SMAD3: variants seen among roughly 807,000 people sequenced by gnomAD.
SMAD3 encodes the protein SMAD family member 3, also known as MAD homolog 3.
In SMAD3, 12 loss-of-function variants were observed where a neutral mutation model predicts 51.8. The observed-to-expected ratio is 0.23, with a 90% CI of 0.15 to 0.38. The LOEUF (loss-of-function observed/expected upper bound fraction) is 0.38, where lower values mean the gene tolerates loss of function less well. Among genes scored for constraint, SMAD3 ranks in the 10% least tolerant of loss-of-function variants. The probability of loss-of-function intolerance (pLI) is 1.00; values close to 1 mark genes in which losing one functional copy is unlikely to be tolerated. For synonymous variants in SMAD3, 238 were observed against 227.7 expected (o/e 1.05, Z -0.41); for missense variants, 294 against 565.6 (o/e 0.52, Z 4.87).
chr15:67,188,613 C>T (rs1454680204), intron 8 of SMAD3, among the ~76,000 whole-genome samples: 4 of 152,264 alleles, frequency 2.6e-5, no homozygotes, highest in African/African-American at 9.6e-5. Flanking sequence ...CTCCACACTC[C>T]CCCCTGCCAG....
intron 1 of SMAD3, among the ~76,000 whole-genome samples, chr15:67,146,370 A>G (rs1961973799): frequency 6.6e-6 from 1 of 152,340 alleles, no homozygotes; most frequent in East Asian, 1.9e-4. Context: ...CCTACACATC[A>G]TTTGAATAAA....
intron 1 of SMAD3, chr15:67,098,814 G>C (rs1167488568): frequency 8.6e-6 from 6 of 694,170 alleles, no homozygotes; most frequent in Admixed American, 2.0e-5. Context: ...CCCAGCGGGG[G>C]TCTGAGGGCC....
At chr15:67,111,605 C>T (rs1174746082) in intron 1 of SMAD3, among the ~76,000 whole-genome samples, 1 of 152,204 alleles carries the variant, frequency 6.6e-6, no homozygotes, top group African/African-American at 2.4e-5. Context: ...TACCATTTTA[C>T]AGTCTCACCA....
intron 1 of SMAD3, among the ~76,000 whole-genome samples, chr15:67,084,702 G>A (rs1263558388): frequency 6.6e-6 from 1 of 152,160 alleles, no homozygotes; most frequent in Non-Finnish European, 1.5e-5. Context: ...CCTCCCCTGA[G>A]AACCGACTCC....
At chr15:67,183,029 ATATTTTT>A (rs1416129125) in intron 6 of SMAD3, among the ~76,000 whole-genome samples, 28 of 48,110 alleles carry the variant, frequency 5.8e-4, no homozygotes, top group South Asian at 2.1e-3. Context: ...ATATATATAT[ATATTTTT>A]TTTTTTTTTT....
rs1426201022 is a variant in SMAD3, at chr15:67,113,227, C to T, written c.206+46867C>T. On this transcript the variant is annotated intron_variant, in intron 1 of 8. Coordinates refer to ENST00000327367, the MANE Select transcript of SMAD3 (RefSeq NM_005902.4). ...GCAGCCTCCCGAGTAGCTGGGACTA[C>T]AGGCGCCTGCCACCACGCCCGGCCA... 1.6e-5 allele frequency among the ~76,000 whole-genome samples: 2 copies of T among 126,112 alleles called. 1 individual carries two copies. The highest frequency in any genetic ancestry group is 6.6e-5 in the African/African-American group (2 of 30,338). The allele number at this position is 126,112 out of a possible 152,430, so 82.7% of individuals were successfully genotyped here.
At chr15:67,183,025 ATATATATTTTT>A (rs1567000827) in intron 6 of SMAD3, among the ~76,000 whole-genome samples, 4 of 69,592 alleles carry the variant, frequency 5.7e-5, no homozygotes, top group Non-Finnish European at 9.9e-5. Context: ...ATATATATAT[ATATATATTTTT>A]TTTTTTTTTT....
chr15:67,085,623 T>C (rs548141401), intron 1 of SMAD3, among the ~76,000 whole-genome samples: 11 of 152,270 alleles, frequency 7.2e-5, no homozygotes, highest in African/African-American at 2.6e-4. Flanking sequence ...GGTGTTACCA[T>C]GGAAGGTTCT....
chr15:67,188,324 G>A (rs1963277028), intron 8 of SMAD3, among the ~76,000 whole-genome samples: 1 of 151,882 alleles, frequency 6.6e-6, no homozygotes, highest in African/African-American at 2.4e-5. Flanking sequence ...TTTTAGTAGA[G>A]AGGGGGTTTC....
chr15:67,104,692 C>T (rs1299366809), intron 1 of SMAD3, among the ~76,000 whole-genome samples: 1 of 152,276 alleles, frequency 6.6e-6, no homozygotes, highest in Non-Finnish European at 1.5e-5. Context: ...GATCACTATA[C>T]TCCGTGTTAT....
chr15:67,093,202 G>A (rs1349259359), intron 1 of SMAD3, among the ~76,000 whole-genome samples: 3 of 152,242 alleles, frequency 2.0e-5, no homozygotes, highest in South Asian at 2.1e-4. Context: ...TGTGTATTCC[G>A]GGGCATATCC....
chr15:67,181,547 A>G, intron 6 of SMAD3, 94 bp downstream of exon 6: 1 of 1,057,692 alleles, frequency 9.5e-7, no homozygotes, highest in Non-Finnish European at 1.4e-6. Flanking sequence ...CTCTGAAGGG[A>G]ACCTTGCGTC....
chr15:67,100,737 G>C (rs938566026), intron 1 of SMAD3, among the ~76,000 whole-genome samples: 3 of 152,076 alleles, frequency 2.0e-5, no homozygotes, highest in African/African-American at 7.2e-5. Flanking sequence ...GAAAGGAATG[G>C]GACATTTACG....
intron 1 of SMAD3, among the ~76,000 whole-genome samples, chr15:67,074,536 A>T (rs1960126250): frequency 6.6e-6 from 1 of 152,234 alleles, no homozygotes; most frequent in African/African-American, 2.4e-5. Flanking sequence ...CCAACTAGGA[A>T]ATGAAAAGTG....
At chr15:67,080,349 AT>A (rs1179656351) in intron 1 of SMAD3, among the ~76,000 whole-genome samples, 1 of 152,202 alleles carries the variant, frequency 6.6e-6, no homozygotes, top group African/African-American at 2.4e-5. Flanking sequence ...GTTAGGGAAC[AT>A]TTGGCTATGC....
At chr15:67,091,464 C>G (rs546385524) in intron 1 of SMAD3, among the ~76,000 whole-genome samples, 1 of 152,330 alleles carries the variant, frequency 6.6e-6, no homozygotes, top group South Asian at 2.1e-4. Flanking sequence ...GATAACCACC[C>G]GGTACTTTCA....
chr15:67,143,353 C>T (rs1961884507), intron 1 of SMAD3, among the ~76,000 whole-genome samples: 1 of 152,176 alleles, frequency 6.6e-6, no homozygotes, highest in Admixed American at 6.5e-5. Flanking sequence ...AGGCAGACAC[C>T]TTTGACACAG....
intron 5 of SMAD3, among the ~76,000 whole-genome samples, chr15:67,175,981 CTG>C (rs1298882427): frequency 6.6e-6 from 1 of 152,216 alleles, no homozygotes; most frequent in Admixed American, 6.5e-5. Flanking sequence ...GCTGTCGGCT[CTG>C]TCTTCATACT....
At chr15:67,150,321 C>G (rs1039791500) in intron 1 of SMAD3, among the ~76,000 whole-genome samples, 1 of 152,164 alleles carries the variant, frequency 6.6e-6, no homozygotes, top group Non-Finnish European at 1.5e-5. Flanking sequence ...CTCTTCACCT[C>G]TCCCCAACCC....
Sources: allele counts gnomAD v4.1 joint callset (sites outside exome capture counted in the v4.1 genomes callset), GRCh38; gene constraint gnomAD v4.1.1; transcripts MANE v1.5; gene names NCBI Gene and HGNC (gene_info 2026-07-23, HGNC 2026-07-21).